The following LMO3 variants were observed in gnomAD, a reference collection of about 807,000 sequenced individuals.
LMO3 encodes LIM domain only protein 3.
In LMO3, 2 loss-of-function variants were observed where a neutral mutation model predicts 15.8. The ratio of observed to expected loss-of-function variants is 0.13; its 90% CI spans 0.05 to 0.40. The LOEUF is 0.40. LMO3 is among the 10% of genes least tolerant of loss of function. LMO3 has a pLI of 0.99. For synonymous variants in LMO3, 62 were observed against 63.8 expected (o/e 0.97, Z 0.13); for missense variants, 86 against 182.2 (o/e 0.47, Z 3.04).
intron 3 of LMO3, among the ~76,000 whole-genome samples, chr12:16,552,528 C>G (rs1381011239): frequency 6.6e-6 from 1 of 151,906 alleles, no homozygotes; most frequent in Admixed American, 6.5e-5. Context: ...CTATTTTTTT[C>G]CAACTGGGTA....
rs1323811534 is a variant in LMO3 at position 16,584,327 on chromosome 12, G to GA, written c.206+16327dup. Reference sequence around the variant, plus strand: ...TAGTACCTTGCACCTGTTGACAGCTGAAAGAAAAGTTGCCTCCTTAAAGGA... The same window carrying GA: ...TAGTACCTTGCACCTGTTGACAGCTGAAAAGAAAAGTTGCCTCCTTAAAGGA... On this transcript the variant is annotated intron_variant, in intron 2 of 3. Transcript: ENST00000537304. This position sits in a 1 kb window ranked among gnomAD's most constrained non-coding sequence, Gnocchi z 5.2. Among the ~76,000 whole-genome samples the GA allele has an allele frequency of 1.3e-5, 2 of 152,152 alleles. No homozygotes were observed. The highest frequency in any genetic ancestry group is 3.9e-4 in the East Asian group (2 of 5,186).
At chr12:16,595,985 G>A (rs1468539907) in intron 2 of LMO3, among the ~76,000 whole-genome samples, 2 of 151,254 alleles carry the variant, frequency 1.3e-5, no homozygotes, top group Non-Finnish European at 3.0e-5. Flanking sequence ...CATTAAAAAA[G>A]CATCTGTGCT....
rs1943274294 is a variant in LMO3 at position 16,585,026 on chromosome 12, A to G, written c.206+15629T>C. 6.6e-6 allele frequency among the ~76,000 whole-genome samples: 1 copy of G among 152,236 alleles called. No homozygotes were observed. Among genetic ancestry groups the G allele is most frequent in the Non-Finnish European group, 1.5e-5 (1 of 68,046 alleles). On this transcript the variant is annotated intron_variant, in intron 2 of 3. Coordinates refer to ENST00000537304, the MANE Select transcript of LMO3 (RefSeq NM_018640.5). This position sits in a 1 kb window ranked among gnomAD's most constrained non-coding sequence, Gnocchi z 4.7. ...GTTAGTTGCCAATGTCTTATATACA[A>G]GAGATTTTACTGAAATATCTAGAAA...
At chr12:16,602,349 G>T (rs866296194) in intron 1 of LMO3, 4 of 152,056 alleles carry the variant, frequency 2.6e-5, no homozygotes, top group Admixed American at 2.6e-4. Flanking sequence ...AATCCCACTG[G>T]TAAGAGACAT....
chr12:16,605,468 G>T, intron 1 of LMO3: 1 of 459,214 alleles, frequency 2.2e-6, no homozygotes, highest in Non-Finnish European at 2.5e-6. Context: ...CCCAAACACA[G>T]CCACTTTTCC....
chr12:16,563,953 T>C (rs1325844692), intron 2 of LMO3, among the ~76,000 whole-genome samples: 4 of 152,192 alleles, frequency 2.6e-5, no homozygotes, highest in African/African-American at 9.6e-5. Flanking sequence ...ATCATTTATG[T>C]TCATAGTAGG....
At chr12:16,579,900 G>C (rs1309071438) in intron 2 of LMO3, among the ~76,000 whole-genome samples, 1 of 152,110 alleles carries the variant, frequency 6.6e-6, no homozygotes, top group African/African-American at 2.4e-5. Flanking sequence ...ATACCCACTA[G>C]GTTTAATTGC....
chr12:16,593,400 T>G lies in LMO3; in HGVS notation c.206+7255A>C, dbSNP rs1232270792. ...ATTTTCCACCTTCAAATCAGGGATT[T>G]GACTATTCCAAGATGATTATTCATC... is the stretch of plus-strand genomic sequence containing the variant. On this transcript the variant is annotated intron_variant, in intron 2 of 3. Transcript: ENST00000537304. This position sits in a 1 kb window ranked among gnomAD's most constrained non-coding sequence, Gnocchi z 4.2. 6.6e-6 allele frequency among the ~76,000 whole-genome samples: 1 copy of G among 151,840 alleles called. No individual in the cohort carries two copies. The highest frequency in any genetic ancestry group is 1.5e-5 in the Non-Finnish European group (1 of 67,798).
chr12:16,557,908 A>C (rs1332158464), intron 3 of LMO3, among the ~76,000 whole-genome samples: 1 of 152,026 alleles, frequency 6.6e-6, no homozygotes, highest in East Asian at 1.9e-4. Context: ...CATTCTTTCT[A>C]CTATTCTACA....
chr12:16,594,419 G>T, intron 2 of LMO3: 1 of 560,322 alleles, frequency 1.8e-6, no homozygotes. Context: ...CTAGCAAATT[G>T]AACAGAGTAT....
At chr12:16,568,932 C>T (rs540645923) in intron 2 of LMO3, among the ~76,000 whole-genome samples, 53 of 152,210 alleles carry the variant, frequency 3.5e-4, no homozygotes, top group Non-Finnish European at 5.1e-4. Flanking sequence ...AGAAAAAATA[C>T]AGGCCAGAGA....
intron 2 of LMO3, among the ~76,000 whole-genome samples, chr12:16,592,591 G>T (rs1469135361): frequency 6.6e-6 from 1 of 151,854 alleles, no homozygotes; most frequent in Non-Finnish European, 1.5e-5. Flanking sequence ...TACCCACCCA[G>T]GTAAAGGAAC....
intron 1 of LMO3, among the ~76,000 whole-genome samples, chr12:16,602,531 A>G (rs1005967294): frequency 1.3e-5 from 2 of 152,260 alleles, no homozygotes; most frequent in East Asian, 3.9e-4. Flanking sequence ...CATCATAAGC[A>G]TAGCTGTAGT....
rs1030063575 is a variant in LMO3 at position 16,560,173 on chromosome 12, G to A, written c.332+240C>T. Among the ~76,000 whole-genome samples, 5 of 152,150 alleles carry A rather than the reference G, an allele frequency of 3.3e-5. No homozygotes were observed. Among genetic ancestry groups the A allele is most frequent in the Admixed American group, 6.5e-5 (1 of 15,270 alleles). On this transcript the variant is annotated intron_variant, in intron 3 of 3. Coordinates refer to ENST00000537304, the MANE Select transcript of LMO3 (RefSeq NM_018640.5). This position sits in a 1 kb window ranked among gnomAD's most constrained non-coding sequence, Gnocchi z 5.0. ...ATGAGTAAAAGAAGTCAGAGTTTACGGTAGTGTTTCCATTTTCTGTTACTT... is the reference window on the plus strand; with the variant it reads ...ATGAGTAAAAGAAGTCAGAGTTTACAGTAGTGTTTCCATTTTCTGTTACTT...
chr12:16,579,830 G>A (rs1943103287), intron 2 of LMO3, among the ~76,000 whole-genome samples: 1 of 152,184 alleles, frequency 6.6e-6, no homozygotes, highest in South Asian at 2.1e-4. Flanking sequence ...AGAAGTGATA[G>A]GATGACAATC....
At chr12:16,552,548 A>ATT (rs1485762810) in intron 3 of LMO3, among the ~76,000 whole-genome samples, 2 of 152,108 alleles carry the variant, frequency 1.3e-5, no homozygotes, top group Non-Finnish European at 2.9e-5. Flanking sequence ...AGCTTTGGAA[A>ATT]TTTATCCTTA....
chr12:16,561,077 A>C (rs1303977945), intron 2 of LMO3, among the ~76,000 whole-genome samples: 1 of 152,124 alleles, frequency 6.6e-6, no homozygotes, highest in Non-Finnish European at 1.5e-5. Context: ...TATAGCTATG[A>C]TTATGTTATT....
chr12:16,552,192 C>T (rs1337838126), intron 3 of LMO3, among the ~76,000 whole-genome samples: 2 of 151,934 alleles, frequency 1.3e-5, no homozygotes, highest in Non-Finnish European at 2.9e-5. Flanking sequence ...TTTTCTGTTT[C>T]TGGTACATTT....
intron 2 of LMO3, among the ~76,000 whole-genome samples, chr12:16,575,207 A>T (rs1165911868): frequency 6.6e-6 from 1 of 152,208 alleles, no homozygotes; most frequent in Admixed American, 6.5e-5. Context: ...CTCAAAATTC[A>T]TAAATAAACC....
Sources: allele counts gnomAD v4.1 joint callset (sites outside exome capture counted in the v4.1 genomes callset), GRCh38; gene constraint gnomAD v4.1.1; non-coding constraint Gnocchi (gnomAD v3.1); transcripts MANE v1.5; gene names NCBI Gene and HGNC (gene_info 2026-07-23, HGNC 2026-07-21).